The following TBL1Y variants were observed in gnomAD, a reference collection of about 807,000 sequenced individuals.
TBL1Y encodes transducin beta like 1 Y-linked, also known as F-box-like/WD repeat-containing protein TBL1Y.
A neutral mutation model predicts 12.0 loss-of-function variants in TBL1Y; 15 were observed. The observed-to-expected ratio is 1.25, with a 90% CI of 0.83 to 1.92. The LOEUF (loss-of-function observed/expected upper bound fraction) is 1.92. Among genes scored for constraint, TBL1Y ranks in the 40% most tolerant of loss-of-function variants. The pLI, the probability that TBL1Y is intolerant of heterozygous loss-of-function variation, is 0.00. For synonymous variants in TBL1Y, 53 were observed against 42.6 expected, an observed-to-expected ratio of 1.24 and a Z score of -0.95; for missense variants, 148 against 116.7, an observed-to-expected ratio of 1.27 and a Z score of -1.24.
intron 14 of TBL1Y, among the ~76,000 whole-genome samples, chrY:7,082,197 C>T: frequency 3.1e-5 from 1 of 32,557 alleles, no homozygotes; most frequent in Non-Finnish European, 7.4e-5. Context: ...AGAACCACAC[C>T]TACCCACCTA....
intron 7 of TBL1Y, among the ~76,000 whole-genome samples, chrY:7,049,429 A>C (rs932698088): frequency 6.0e-5 from 2 of 33,407 alleles, no homozygotes; most frequent in African/African-American, 1.2e-4. Context: ...TGGTGTTTCT[A>C]GTTCTAGATT....
At chrY:7,020,262 T>C in intron 4 of TBL1Y, among the ~76,000 whole-genome samples, 2 of 33,437 alleles carry the variant, frequency 6.0e-5, no homozygotes, top group African/African-American at 1.2e-4. Flanking sequence ...GTTCTTGAAT[T>C]TGTAGTTGAT....
chrY:7,075,369 G>A, intron 13 of TBL1Y, among the ~76,000 whole-genome samples: 1 of 33,824 alleles, frequency 3.0e-5, no homozygotes, highest in Non-Finnish European at 7.4e-5. Context: ...TGCTGTCCTG[G>A]AGAGGGAGAG....
chrY:7,005,287 G>A (rs2012479712), intron 4 of TBL1Y, among the ~76,000 whole-genome samples: 1 of 32,616 alleles, frequency 3.1e-5, no homozygotes, highest in African/African-American at 1.2e-4. Flanking sequence ...AAATTAGCCA[G>A]GTGTGATTGT....
At chrY:7,057,391 A>G in intron 7 of TBL1Y, among the ~76,000 whole-genome samples, 1 of 32,940 alleles carries the variant, frequency 3.0e-5, no homozygotes, top group Non-Finnish European at 7.4e-5. Context: ...CTTTTTTTTA[A>G]ACATGTTTTG....
chrY:7,009,448 A>G (rs2012504090), intron 4 of TBL1Y, among the ~76,000 whole-genome samples: 3 of 33,218 alleles, frequency 9.0e-5, no homozygotes, highest in Non-Finnish European at 1.5e-4. Flanking sequence ...CGTGAGAGGA[A>G]AATTAACTGA....
chrY:6,984,206 T>TG (rs2012302631), intron 3 of TBL1Y, among the ~76,000 whole-genome samples: 1 of 32,685 alleles, frequency 3.1e-5, no homozygotes, highest in Non-Finnish European at 7.5e-5. Context: ...CTAGGGCACT[T>TG]GTGGAGCCAG....
intron 7 of TBL1Y, among the ~76,000 whole-genome samples, chrY:7,049,186 C>T: frequency 9.1e-5 from 3 of 33,146 alleles, no homozygotes; most frequent in African/African-American, 3.6e-4. Flanking sequence ...CAATTTCATC[C>T]CTGTCCCTAC....
At chrY:6,991,274 A>C in intron 3 of TBL1Y, among the ~76,000 whole-genome samples, 1 of 33,671 alleles carries the variant, frequency 3.0e-5, no homozygotes, top group Non-Finnish European at 7.3e-5. Flanking sequence ...CTGGTGGTGC[A>C]AGGATATTCT....
chrY:7,030,375 C>T, intron 6 of TBL1Y, among the ~76,000 whole-genome samples: 3 of 33,871 alleles, frequency 8.9e-5, no homozygotes, highest in South Asian at 6.7e-4. Flanking sequence ...CATGGGCAGA[C>T]GTGAATGTCG....
At chrY:6,919,464 ATTC>A (rs2011761821) in intron 2 of TBL1Y, 1 of 33,192 alleles carries the variant, frequency 3.0e-5, no homozygotes, top group Non-Finnish European at 7.4e-5. Context: ...ACAGTAAGAC[ATTC>A]TTCTTCAAAG....
intron 7 of TBL1Y, among the ~76,000 whole-genome samples, chrY:7,054,941 G>A: frequency 3.0e-5 from 1 of 33,887 alleles, no homozygotes; most frequent in Admixed American, 2.7e-4. Context: ...TTTTGGAAGC[G>A]GCCTGCCACC....
intron 3 of TBL1Y, among the ~76,000 whole-genome samples, chrY:6,989,596 A>T (rs2012348746): frequency 3.0e-5 from 1 of 33,441 alleles, no homozygotes; most frequent in Non-Finnish European, 7.4e-5. Flanking sequence ...ACCGTGGTGG[A>T]GGAGCCCTGC....
intron 14 of TBL1Y, among the ~76,000 whole-genome samples, chrY:7,083,985 A>G (rs2013114848): frequency 3.7e-4 from 12 of 32,600 alleles, no homozygotes; most frequent in Admixed American, 2.0e-3. Flanking sequence ...GGCCACCCAT[A>G]CCACATAGAG....
chrY:7,090,028 C>T (rs775111703), intron 17 of TBL1Y, 61 bp from the exon 18 acceptor site: 2 of 262,049 alleles, frequency 7.6e-6, no homozygotes, highest in Non-Finnish European at 6.1e-6. Context: ...ACATTCCACA[C>T]CTGCATCTGT....
chrY:6,980,548 C>T, intron 3 of TBL1Y, among the ~76,000 whole-genome samples: 1 of 33,405 alleles, frequency 3.0e-5, no homozygotes, highest in Non-Finnish European at 7.4e-5. Context: ...ACCTCAGTAG[C>T]TCCCCAAAGT....
intron 12 of TBL1Y, among the ~76,000 whole-genome samples, chrY:7,072,754 C>G (rs2013042223): frequency 2.9e-5 from 1 of 33,931 alleles, no homozygotes; most frequent in African/African-American, 1.2e-4. Flanking sequence ...AGGGTGGGAA[C>G]CCAGGGTGAA....
chrY:7,032,763 C>A, intron 6 of TBL1Y, among the ~76,000 whole-genome samples: 1 of 33,402 alleles, frequency 3.0e-5, no homozygotes, highest in African/African-American at 1.2e-4. Context: ...AAAGAAACCT[C>A]CAGAGTAATG....
At chrY:6,950,934 A>T in intron 2 of TBL1Y, among the ~76,000 whole-genome samples, 2 of 32,674 alleles carry the variant, frequency 6.1e-5, no homozygotes, top group Non-Finnish European at 1.5e-4. Context: ...ATCTATTGAG[A>T]TAATCATGTG....
Sources: gnomAD v4.1 joint callset for allele counts (sites outside exome capture counted in the v4.1 genomes callset) on GRCh38, gnomAD v4.1.1 for gene constraint, MANE v1.5 for transcripts, NCBI Gene and HGNC (gene_info 2026-07-23, HGNC 2026-07-21) for gene names.